ELAVL2: variants seen among roughly 807,000 people sequenced by gnomAD.
ELAVL2 encodes the protein ELAV-like protein 2.
A neutral mutation model predicts 34.6 loss-of-function variants in ELAVL2; 4 were observed. The observed-to-expected ratio is 0.12, with a 90% CI of 0.06 to 0.26. The LOEUF is 0.26. Ranked by LOEUF, ELAVL2 falls within the 10% of genes least tolerant of loss-of-function variation. The probability of loss-of-function intolerance (pLI) is 1.00; values close to 1 mark genes in which losing one functional copy is unlikely to be tolerated. For synonymous variants in ELAVL2, 193 were observed against 154.8 expected (o/e 1.25, Z -1.83); for missense variants, 432 against 442.8 (o/e 0.98, Z 0.22).
Position 23,826,225 on chromosome 9 carries a change from G to C in ELAVL2, c.-435C>G, listed in dbSNP as rs1209099511. 1.3e-5 allele frequency: 2 copies of C among 152,240 alleles called. No individual in the cohort carries two copies. The highest frequency in any genetic ancestry group is 1.9e-4 in the East Asian group (1 of 5,184). The allele number at this position is 152,240 out of a possible 1,614,324, so 9.4% of individuals were successfully genotyped here. ...GCATCTCTAACTAAGAACAGAAATA[G>C]GGGGGAGGACGTCTTAAAAGGGAGG... On this transcript the variant is annotated 5_prime_UTR_variant, in exon 1 of 7. Coordinates refer to ENST00000397312, the MANE Select transcript of ELAVL2 (RefSeq NM_004432.5).
chr9:23,723,585 G>GA, intron 3 of ELAVL2, among the ~76,000 whole-genome samples: 1 of 150,060 alleles, frequency 6.7e-6, no homozygotes, highest in East Asian at 2.0e-4. Context: ...AAAAAAAAAA[G>GA]AAAAGATTTT....
At chr9:23,750,716 A>T (rs951983414) in intron 2 of ELAVL2, among the ~76,000 whole-genome samples, 11 of 152,296 alleles carry the variant, frequency 7.2e-5, no homozygotes, top group Non-Finnish European at 1.2e-4. Flanking sequence ...TTATATTCAA[A>T]ATGTTTAGAT....
At chr9:23,804,397 A>G (rs1345416028) in intron 1 of ELAVL2, among the ~76,000 whole-genome samples, 1 of 152,168 alleles carries the variant, frequency 6.6e-6, no homozygotes, top group African/African-American at 2.4e-5. Flanking sequence ...GAGGAAAAGT[A>G]AATACTTAAT....
chr9:23,835,888 G>A, the ELAVL2 span, among the ~76,000 whole-genome samples: 1 of 152,124 alleles, frequency 6.6e-6, no homozygotes, highest in Non-Finnish European at 1.5e-5. Flanking sequence ...AGCTTCAATA[G>A]GCGTCTGTCT....
At chr9:23,756,808 A>C (rs1332435350) in intron 2 of ELAVL2, among the ~76,000 whole-genome samples, 3 of 152,154 alleles carry the variant, frequency 2.0e-5, no homozygotes, top group African/African-American at 7.2e-5. Flanking sequence ...CCCTGGTTCA[A>C]TCTCCCTACA....
At chr9:23,832,155 T>C in the ELAVL2 span, 1 of 152,196 alleles carries the variant, frequency 6.6e-6, no homozygotes, top group African/African-American at 2.4e-5. Flanking sequence ...TTACCATAAA[T>C]TGAAGTTAAC....
At chr9:23,781,690 ATC>A (rs1300582066) in intron 1 of ELAVL2, among the ~76,000 whole-genome samples, 2 of 150,876 alleles carry the variant, frequency 1.3e-5, no homozygotes, top group African/African-American at 4.9e-5. Flanking sequence ...AATTTTTTAA[ATC>A]TTTTTTTGTT....
rs1323067640 is a variant in ELAVL2, at chr9:23,690,200, A to G, written c.*2357T>C. 2.0e-5 allele frequency: 3 copies of G among 152,658 alleles called. No homozygotes were observed. Among genetic ancestry groups the G allele is most frequent in the Non-Finnish European group, 4.4e-5 (3 of 68,034 alleles). The allele number at this position is 152,658 out of a possible 1,614,324, so 9.5% of individuals were successfully genotyped here. ...ATGTACAGCCTCTTAAATACTCAAC[A>G]GAATATATTTTCTATTCCAACAGAT... On this transcript the variant is annotated 3_prime_UTR_variant, in exon 7 of 7. Transcript: ENST00000397312.
chr9:23,762,505 A>C (rs2055269174), intron 1 of ELAVL2, among the ~76,000 whole-genome samples: 2 of 152,096 alleles, frequency 1.3e-5, no homozygotes, highest in South Asian at 4.1e-4. Context: ...CATTTTCTAG[A>C]ATCACATTCT....
intron 2 of ELAVL2, among the ~76,000 whole-genome samples, chr9:23,757,164 T>C (rs748939035): frequency 6.6e-6 from 1 of 152,126 alleles, no homozygotes; most frequent in African/African-American, 2.4e-5. Flanking sequence ...GATGTTCTTG[T>C]TCATTTGGTG....
chr9:23,802,280 TA>T (rs1299434246), intron 1 of ELAVL2, among the ~76,000 whole-genome samples: 2 of 152,250 alleles, frequency 1.3e-5, no homozygotes, highest in East Asian at 1.9e-4. Flanking sequence ...AAGAGCGCTA[TA>T]AAAAATACAT....
At chr9:23,765,378 C>A (rs185746997) in intron 1 of ELAVL2, among the ~76,000 whole-genome samples, 73 of 152,156 alleles carry the variant, frequency 4.8e-4, no homozygotes, top group African/African-American at 1.6e-3. Flanking sequence ...TAAACCACAC[C>A]TCAAAAATTT....
At chr9:23,821,818 G>A (rs1248205512) in intron 1 of ELAVL2, 1 of 151,488 alleles carries the variant, frequency 6.6e-6, no homozygotes, top group Non-Finnish European at 1.5e-5. Context: ...CTGCCTCAGT[G>A]ACGCCCAGGC....
chr9:23,826,331 C>G (rs2065294922), upstream of ELAVL2: 1 of 152,472 alleles, frequency 6.6e-6, no homozygotes, highest in Non-Finnish European at 1.5e-5. Context: ...GCTGCTCTGC[C>G]AGGCTCCTAT....
intron 1 of ELAVL2, among the ~76,000 whole-genome samples, chr9:23,791,736 C>T (rs1366317818): frequency 6.6e-6 from 1 of 152,178 alleles, no homozygotes; most frequent in Non-Finnish European, 1.5e-5. Flanking sequence ...AGAAGGTGGC[C>T]TTCTGCAAGC....
At chr9:23,727,225 G>A (rs2045434863) in intron 3 of ELAVL2, among the ~76,000 whole-genome samples, 1 of 151,906 alleles carries the variant, frequency 6.6e-6, no homozygotes, top group African/African-American at 2.4e-5. Context: ...TCCTTAACCA[G>A]GAAAAAAAGT....
At chr9:23,800,912 T>C (rs2061495316) in intron 1 of ELAVL2, among the ~76,000 whole-genome samples, 1 of 152,136 alleles carries the variant, frequency 6.6e-6, no homozygotes, top group Non-Finnish European at 1.5e-5. Flanking sequence ...AAAACTGGCA[T>C]TAACATTTCC....
chr9:23,823,468 G>T (rs1490796903), intron 1 of ELAVL2, among the ~76,000 whole-genome samples: 1 of 152,180 alleles, frequency 6.6e-6, no homozygotes, highest in East Asian at 1.9e-4. Flanking sequence ...AAGAGCTCCA[G>T]AACAGGTTAG....
intron 1 of ELAVL2, among the ~76,000 whole-genome samples, chr9:23,784,059 A>T (rs963602350): frequency 4.6e-5 from 7 of 152,040 alleles, no homozygotes; most frequent in African/African-American, 1.7e-4. Flanking sequence ...TTAGCCGGGC[A>T]TGGTGGCGGG....
Sources: gnomAD v4.1 joint callset for allele counts (sites outside exome capture counted in the v4.1 genomes callset) on GRCh38, gnomAD v4.1.1 for gene constraint, MANE v1.5 for transcripts, NCBI Gene and HGNC (gene_info 2026-07-23, HGNC 2026-07-21) for gene names.